AMY2B: variants seen among roughly 807,000 people sequenced by gnomAD.
AMY2B encodes alpha-amylase 2B.
In AMY2B, 63 loss-of-function variants were observed where a neutral mutation model predicts 59.3. The observed-to-expected ratio is 1.06, with a 90% confidence interval of 0.87 to 1.31. AMY2B has a LOEUF of 1.31. Among genes scored for constraint, AMY2B ranks in the 50% most tolerant of loss-of-function variants. AMY2B has a pLI of 0.00. For synonymous variants in AMY2B, 180 were observed against 198.1 expected (o/e 0.91, Z 0.77); for missense variants, 635 against 626.7 (o/e 1.01, Z -0.14).
At chr1:103,566,244 T>C (rs908242142) in intron 2 of AMY2B, among the ~76,000 whole-genome samples, 5 of 152,198 alleles carry the variant, frequency 3.3e-5, no homozygotes, top group African/African-American at 1.2e-4. Flanking sequence ...AAGCACTTAA[T>C]CGTAACCCTC....
intron 7 of AMY2B, among the ~76,000 whole-genome samples, chr1:103,576,570 G>A (rs574950108): frequency 6.6e-6 from 1 of 151,988 alleles, no homozygotes; most frequent in Non-Finnish European, 1.5e-5. Context: ...ACTTCCTAGG[G>A]TTACTCTGGT....
At chr1:103,579,084 T>G (rs551341367) in intron 9 of AMY2B, among the ~76,000 whole-genome samples, 26 of 152,348 alleles carry the variant, frequency 1.7e-4, no homozygotes, top group African/African-American at 6.0e-4. Context: ...CAACTTTGAT[T>G]TTTTGGTAAT....
chr1:103,556,583 ATAC>A (rs1272256725), intron 1 of AMY2B, among the ~76,000 whole-genome samples: 4 of 151,906 alleles, frequency 2.6e-5, no homozygotes. Flanking sequence ...TAAGTATAGT[ATAC>A]TAAGTATAGT....
Position 103,573,938 on chromosome 1 carries a change from G to A in AMY2B, c.744G>A (p.Glu248=). The part of the protein sequence containing the change: ...PAGSKPFIYQ[E]VIDLGGEPIK... ...GAAGTAAACCTTTCATTTACCAGGA[G>A]GTACATCAATACATATATGCATATA... Residue 248 remains glutamate, a splice_region_variant and synonymous_variant, in exon 4 of 10, where the codon GAG becomes GAA. Coordinates refer to ENST00000684275, the MANE Select transcript of AMY2B (RefSeq NM_001387437.1). 6.2e-7 allele frequency: 1 copy of A among 1,613,642 alleles called. No individual in the cohort carries two copies. Among genetic ancestry groups the A allele is most frequent in the Non-Finnish European group, 8.5e-7 (1 of 1,179,716 alleles).
upstream of AMY2B, chr1:103,569,396 T>TTG (rs58457409): frequency 0.26 from 38,919 of 150,666 alleles, 5,141 homozygotes; most frequent in South Asian, 0.3. Flanking sequence ...TTATGTGGGT[T>TTG]TGTGTGTGTG....
At chr1:103,571,162 G>T, upstream of AMY2B, 1 of 912,536 alleles carries the variant, frequency 1.1e-6, no homozygotes, top group Admixed American at 4.9e-5. Context: ...AGCTTCTGTT[G>T]TCTGCCAGAA....
chr1:103,573,825 C>G lies in AMY2B; in HGVS notation c.631C>G (p.Leu211Val). The change falls in exon 4 of 10, where the codon CTT becomes GTT. Residue 211 changes from leucine (L) to valine (V), a missense_variant. Transcript: ENST00000684275. Reference protein sequence around the residue: ...LIDIGVAGFRLDASKHMWPGD... With the variant: ...LIDIGVAGFRVDASKHMWPGD... Reference sequence around the variant, plus strand: ...TGACATTGGTGTTGCAGGGTTCAGACTTGATGCTTCCAAGCACATGTGGCC... The same window carrying G: ...TGACATTGGTGTTGCAGGGTTCAGAGTTGATGCTTCCAAGCACATGTGGCC... The G allele has an allele frequency of 6.2e-7, 1 of 1,613,846 alleles. No individual in the cohort carries two copies. The highest frequency in any genetic ancestry group is 1.1e-5 in the South Asian group (1 of 91,070).
upstream of AMY2B, chr1:103,571,252 T>C: frequency 2.8e-6 from 2 of 726,446 alleles, no homozygotes; most frequent in South Asian, 2.3e-5. Context: ...TTAATTTATG[T>C]AAAGTTTTTT....
chr1:103,558,570 A>G (rs1396057003), intron 1 of AMY2B, among the ~76,000 whole-genome samples: 3 of 152,180 alleles, frequency 2.0e-5, no homozygotes, highest in African/African-American at 7.2e-5. Flanking sequence ...AGTATAAAAA[A>G]TGATGACATT....
intron 9 of AMY2B, among the ~76,000 whole-genome samples, chr1:103,578,058 G>A (rs1378676112): frequency 4.6e-5 from 7 of 152,158 alleles, no homozygotes; most frequent in South Asian, 2.1e-4. Context: ...TGTAAGCAGA[G>A]TCCTTTCTGT....
At chr1:103,572,789 C>A (rs542030590) in intron 2 of AMY2B, among the ~76,000 whole-genome samples, 1 of 152,062 alleles carries the variant, frequency 6.6e-6, no homozygotes, top group South Asian at 2.1e-4. Flanking sequence ...TTTGTCTCCC[C>A]GAAATGGGCT....
At chr1:103,578,559 A>G (rs1040962899) in intron 9 of AMY2B, among the ~76,000 whole-genome samples, 1 of 152,224 alleles carries the variant, frequency 6.6e-6, no homozygotes, top group African/African-American at 2.4e-5. Flanking sequence ...TCATTCTAGT[A>G]TAAATTATAT....
Position 103,573,910 on chromosome 1 carries a change from C to A in AMY2B, c.716C>A (p.Ala239Glu), listed in dbSNP as rs1355391472. Residue 239 changes from alanine to glutamate, a missense_variant, in exon 4 of 10, where the codon GCA becomes GAA. Coordinates refer to ENST00000684275, the MANE Select transcript of AMY2B (RefSeq NM_001387437.1). ...AATCTAAACAGTAACTGGTTCCCTG[C>A]AGGAAGTAAACCTTTCATTTACCAG... ...LHNLNSNWFP[A>E]GSKPFIYQEV... The A allele has an allele frequency of 2.5e-6, 4 of 1,613,798 alleles. No individual in the cohort carries two copies. Among genetic ancestry groups the A allele is most frequent in the Non-Finnish European group, 3.4e-6 (4 of 1,179,760 alleles).
chr1:103,579,518 A>C lies in AMY2B; in HGVS notation c.*18A>C. 2 of 1,607,164 alleles carry C rather than the reference A, an allele frequency of 1.2e-6. No homozygotes were observed. Among genetic ancestry groups the C allele is most frequent in the Non-Finnish European group, 8.5e-7 (1 of 1,177,996 alleles). On this transcript the variant is annotated 3_prime_UTR_variant, in exon 10 of 10. Coordinates refer to ENST00000684275, the MANE Select transcript of AMY2B (RefSeq NM_001387437.1). ...AATTATAAAATTTAAAATTAAATGCATATCCTCAAAACAATAGCCAAGTGT... is the reference window on the plus strand; with the variant it reads ...AATTATAAAATTTAAAATTAAATGCCTATCCTCAAAACAATAGCCAAGTGT...
intron 1 of AMY2B, among the ~76,000 whole-genome samples, chr1:103,559,545 G>A (rs1246086300): frequency 6.6e-6 from 1 of 152,008 alleles, no homozygotes; most frequent in Non-Finnish European, 1.5e-5. Context: ...GATTTACACT[G>A]GGAAGCCTTC....
upstream of AMY2B, chr1:103,569,997 T>A: frequency 4.5e-6 from 2 of 447,768 alleles, no homozygotes; most frequent in South Asian, 3.8e-5. Context: ...GGTTGCACAC[T>A]GGCATTGTCA....
intron 1 of AMY2B, chr1:103,562,197 A>G (rs944047913): frequency 6.6e-6 from 1 of 152,204 alleles, no homozygotes; most frequent in African/African-American, 2.4e-5. Flanking sequence ...GAGTTTCACA[A>G]TCTATTTTCA....
Position 103,572,958 on chromosome 1 carries a change from T to C in AMY2B, c.316-105T>C. 3 of 1,591,090 alleles carry C rather than the reference T, an allele frequency of 1.9e-6. No homozygotes were observed. The South Asian group carries it at 3.4e-5, about 18-fold the overall frequency. ...GTAGGAAAATAGTTATAAGATATCA[T>C]GAAATATTTTGGAGTTTTATTAACA... is the stretch of plus-strand genomic sequence containing the variant. On this transcript the variant is annotated intron_variant, in intron 2 of 9. Coordinates refer to ENST00000684275, the MANE Select transcript of AMY2B (RefSeq NM_001387437.1).
chr1:103,564,233 CA>C (rs1247845727), intron 1 of AMY2B, among the ~76,000 whole-genome samples: 1 of 152,120 alleles, frequency 6.6e-6, no homozygotes, highest in Non-Finnish European at 1.5e-5. Context: ...CAGCATCACA[CA>C]GGTTATAAAT....
Sources: gnomAD v4.1 joint callset for allele counts (sites outside exome capture counted in the v4.1 genomes callset) on GRCh38, gnomAD v4.1.1 for gene constraint, MANE v1.5 for transcripts, NCBI Gene and HGNC (gene_info 2026-07-23, HGNC 2026-07-21) for gene names.